Variants in PACRG observed in about 807,000 individuals in gnomAD.
The protein encoded by PACRG is parkin coregulated.
In PACRG, 29 loss-of-function variants were observed where a neutral mutation model predicts 29.7. The observed-to-expected ratio is 0.98, with a 90% CI of 0.73 to 1.33. The LOEUF (loss-of-function observed/expected upper bound fraction) is 1.33, where lower values mean the gene tolerates loss of function less well. Ranked by LOEUF, PACRG falls within the 40% of genes most tolerant of loss-of-function variation. PACRG has a pLI of 0.00. For missense variants in PACRG, 279 were observed against 316.2 expected (o/e 0.88, Z 0.89); for synonymous variants, 116 against 118.7 (o/e 0.98, Z 0.15).
chr6:162,948,719 G>A (rs1799429403), intron 2 of PACRG, among the ~76,000 whole-genome samples: 1 of 151,914 alleles, frequency 6.6e-6, no homozygotes, highest in Non-Finnish European at 1.5e-5. Context: ...ATTTTAAAAT[G>A]GGCAAAAAAT....
At chr6:163,277,665 A>G (rs965466135) in intron 4 of PACRG, among the ~76,000 whole-genome samples, 5 of 147,382 alleles carry the variant, frequency 3.4e-5, no homozygotes, top group Admixed American at 6.7e-5. Flanking sequence ...GTGTGTGTGT[A>G]TATATATCTG....
intron 4 of PACRG, among the ~76,000 whole-genome samples, chr6:163,240,772 A>G (rs1417406247): frequency 6.6e-6 from 1 of 152,220 alleles, no homozygotes; most frequent in Non-Finnish European, 1.5e-5. Context: ...TGCCCTGTGG[A>G]GGGAACGTGG....
At chr6:162,741,891 TACTC>T (rs1434829029) in intron 1 of PACRG, among the ~76,000 whole-genome samples, 1 of 152,218 alleles carries the variant, frequency 6.6e-6, no homozygotes, top group Non-Finnish European at 1.5e-5. Context: ...TTTTTTTACA[TACTC>T]ATAATTTTTT....
intron 2 of PACRG, among the ~76,000 whole-genome samples, chr6:162,851,555 C>G (rs1481594596): frequency 2.0e-5 from 3 of 152,038 alleles, no homozygotes; most frequent in South Asian, 4.1e-4. Flanking sequence ...TTAATTGTAT[C>G]CAGCCAGTTC....
intron 3 of PACRG, among the ~76,000 whole-genome samples, chr6:163,077,964 A>G (rs1812698381): frequency 1.3e-5 from 2 of 152,198 alleles, no homozygotes; most frequent in African/African-American, 4.8e-5. Context: ...AGCAAGGCAC[A>G]GCATGTTTAA....
rs536928191 is a variant in PACRG at position 162,947,247 on chromosome 6, C to A, written c.292-114903C>A. Among the ~76,000 whole-genome samples, 1,277 of 144,316 alleles carry A rather than the reference C, an allele frequency of 8.8e-3. 13 individuals carry two copies. Among genetic ancestry groups the A allele is most frequent in the African/African-American group, 0.024 (922 of 39,088 alleles). 94.7% of individuals were successfully genotyped at this position (144,316 alleles called of 152,430 possible). A position where few individuals can be genotyped will look rare whatever the true frequency, so the allele number is the denominator to read the frequency against. ...TCTATATATAATATAGATATATAAA[C>A]ATATATCATATATAATCTATATATA... is the stretch of plus-strand genomic sequence containing the variant. On this transcript the variant is annotated intron_variant, in intron 2 of 4. Coordinates refer to ENST00000366888, the MANE Select transcript of PACRG (RefSeq NM_001080379.2).
intron 2 of PACRG, among the ~76,000 whole-genome samples, chr6:162,903,569 C>A (rs1795716908): frequency 1.3e-5 from 2 of 152,088 alleles, no homozygotes; most frequent in African/African-American, 4.8e-5. Context: ...ACCATCAGAT[C>A]TCATGAGACT....
Position 162,884,378 on chromosome 6 carries a change from A to T in PACRG, c.291+70097A>T, listed in dbSNP as rs144800074. On this transcript the variant is annotated intron_variant, in intron 2 of 4. Coordinates refer to ENST00000366888, the MANE Select transcript of PACRG (RefSeq NM_001080379.2). ...TTGTATAAGTGGACCAGGGCAGTTC[A>T]AATTTGTGTTGTTCAAGGGTCCACT... 1.3e-3 allele frequency among the ~76,000 whole-genome samples: 198 copies of T among 152,326 alleles called. 1 individual carries two copies. Among genetic ancestry groups the T allele is most frequent in the African/African-American group, 4.5e-3 (186 of 41,560 alleles).
chr6:163,181,714 C>A (rs1779680375), intron 4 of PACRG, among the ~76,000 whole-genome samples: 2 of 149,936 alleles, frequency 1.3e-5, no homozygotes, highest in Admixed American at 6.7e-5. Context: ...ATTATTAGTA[C>A]AGTAGTTTGG....
intron 4 of PACRG, among the ~76,000 whole-genome samples, chr6:163,149,198 C>T (rs1188887417): frequency 6.6e-6 from 1 of 151,982 alleles, no homozygotes; most frequent in Non-Finnish European, 1.5e-5. Flanking sequence ...CCAGGCCGGT[C>T]GGGTGTCCTC....
chr6:162,854,163 TCTG>T (rs1208138708), intron 2 of PACRG, among the ~76,000 whole-genome samples: 3 of 95,572 alleles, frequency 3.1e-5, no homozygotes, highest in African/African-American at 1.1e-4. Context: ...CCATTTTCTT[TCTG>T]TTTTTTTTTT....
intron 1 of PACRG, among the ~76,000 whole-genome samples, chr6:162,779,041 C>G (rs1783880236): frequency 1.3e-5 from 2 of 152,188 alleles, no homozygotes; most frequent in South Asian, 4.1e-4. Context: ...CTCTGCTCCA[C>G]TGACAGGCCC....
chr6:162,881,353 G>A (rs1584638823), intron 2 of PACRG, among the ~76,000 whole-genome samples: 3 of 150,372 alleles, frequency 2.0e-5, no homozygotes, highest in Admixed American at 6.7e-5. Context: ...ATGCACCCAC[G>A]CAAAAGGTAG....
At chr6:162,748,028 T>G (rs1218416095) in intron 1 of PACRG, among the ~76,000 whole-genome samples, 1 of 152,198 alleles carries the variant, frequency 6.6e-6, no homozygotes, top group Non-Finnish European at 1.5e-5. Flanking sequence ...GTTTTACTAT[T>G]CTAAAATAAT....
chr6:162,985,015 G>T lies in PACRG; in HGVS notation c.292-77135G>T, dbSNP rs140742547. On this transcript the variant is annotated intron_variant, in intron 2 of 4. Coordinates refer to ENST00000366888, the MANE Select transcript of PACRG (RefSeq NM_001080379.2). Reference sequence around the variant, plus strand: ...TGTGCAGAAGCTTAAGGAAGGAATAGAATCTCTGAACAGGCCAATAACAAG... The same window carrying T: ...TGTGCAGAAGCTTAAGGAAGGAATATAATCTCTGAACAGGCCAATAACAAG... Among the ~76,000 whole-genome samples the T allele has an allele frequency of 7.4e-4, 112 of 151,978 alleles. No homozygotes were observed. The East Asian group carries it at 0.017, about 24-fold the overall frequency.
intron 2 of PACRG, among the ~76,000 whole-genome samples, chr6:162,880,501 G>T (rs1389460309): frequency 6.6e-6 from 1 of 152,198 alleles, no homozygotes; most frequent in African/African-American, 2.4e-5. Flanking sequence ...TGAGTTCCTT[G>T]TAGTGTTTTG....
chr6:162,948,736 G>A (rs1374295976), intron 2 of PACRG, among the ~76,000 whole-genome samples: 2 of 151,880 alleles, frequency 1.3e-5, no homozygotes, highest in Non-Finnish European at 2.9e-5. Context: ...AAATCCAAAT[G>A]AACATTCCTC....
intron 4 of PACRG, among the ~76,000 whole-genome samples, chr6:163,253,465 G>A (rs1249057629): frequency 6.6e-6 from 1 of 152,086 alleles, no homozygotes; most frequent in Admixed American, 6.6e-5. Context: ...TAAAGTTTCA[G>A]GACACATGTC....
chr6:163,117,659 G>A (rs1210052363), intron 4 of PACRG, among the ~76,000 whole-genome samples: 1 of 151,736 alleles, frequency 6.6e-6, no homozygotes, highest in African/African-American at 2.4e-5. Context: ...GCTGTGGCAG[G>A]AGAATTGCTT....
Sources: gnomAD v4.1 joint callset for allele counts (sites outside exome capture counted in the v4.1 genomes callset) on GRCh38, gnomAD v4.1.1 for gene constraint, MANE v1.5 for transcripts, NCBI Gene and HGNC (gene_info 2026-07-23, HGNC 2026-07-21) for gene names.